MTRF1: variants seen among roughly 807,000 people sequenced by gnomAD.
MTRF1 encodes mitochondrial translation release factor 1, also known as peptide chain release factor 1, mitochondrial.
MTRF1 carries 51 observed loss-of-function variants against 62.9 expected under a neutral mutation model. The ratio of observed to expected loss-of-function variants is 0.81; its 90% CI spans 0.65 to 1.02. The LOEUF (loss-of-function observed/expected upper bound fraction) is 1.02. MTRF1 is among the 50% of genes least tolerant of loss of function. The pLI is 0.00. For synonymous variants in MTRF1, 158 were observed against 181.9 expected (o/e 0.87, Z 1.06); for missense variants, 446 against 530.0 (o/e 0.84, Z 1.56).
chr13:41,223,361 CA>C lies in MTRF1; in HGVS notation c.1126-8del, dbSNP rs1199910295. Reference sequence around the variant, plus strand: ...ACTGGGCTCTTGTTCCCACCTGTGCCATAACAAAAAGCAATTTATATTTTAC... The same window carrying C: ...ACTGGGCTCTTGTTCCCACCTGTGCCTAACAAAAAGCAATTTATATTTTAC... On this transcript the variant is annotated splice_region_variant and splice_polypyrimidine_tract_variant and intron_variant, in intron 8 of 9. Transcript: ENST00000379480. The C allele has an allele frequency of 6.2e-7, 1 of 1,610,760 alleles. No homozygotes were observed. The highest frequency in any genetic ancestry group is 1.7e-5 in the Admixed American group (1 of 59,526).
intron 9 of MTRF1, among the ~76,000 whole-genome samples, chr13:41,222,005 T>C (rs189909259): frequency 1.3e-5 from 2 of 152,320 alleles, no homozygotes; most frequent in Admixed American, 6.5e-5. Context: ...GGATGTGGCA[T>C]AAGACATACA....
chr13:41,311,554 A>G, the MTRF1 span: 2 of 1,608,522 alleles, frequency 1.2e-6, no homozygotes, highest in Non-Finnish European at 8.5e-7. Flanking sequence ...CTGCCGCCCA[A>G]GGAGAGCAAC....
the MTRF1 span, among the ~76,000 whole-genome samples, chr13:41,270,667 T>C: frequency 6.6e-6 from 1 of 152,116 alleles, no homozygotes; most frequent in Non-Finnish European, 1.5e-5. Flanking sequence ...TAGAGAAAAA[T>C]TAAAATGAAT....
chr13:41,226,331 T>C, intron 8 of MTRF1, 101 bp downstream of exon 8: 2 of 1,214,914 alleles, frequency 1.6e-6, no homozygotes, highest in East Asian at 2.3e-5. Context: ...TTCTCTATGC[T>C]CTAAAACATT....
At chr13:41,264,581 T>C (rs577521042), upstream of MTRF1, among the ~76,000 whole-genome samples, 1 of 152,376 alleles carries the variant, frequency 6.6e-6, no homozygotes, top group Non-Finnish European at 1.5e-5. Context: ...GAATTAGCTA[T>C]ATATGCAAAA....
the MTRF1 span, among the ~76,000 whole-genome samples, chr13:41,308,682 A>G: frequency 6.6e-6 from 1 of 152,214 alleles, no homozygotes; most frequent in African/African-American, 2.4e-5. Flanking sequence ...AGCTCTGCAG[A>G]GTACACATAG....
intron 3 of MTRF1, among the ~76,000 whole-genome samples, chr13:41,254,254 T>C (rs1210640252): frequency 6.6e-6 from 1 of 152,222 alleles, no homozygotes; most frequent in Non-Finnish European, 1.5e-5. Context: ...TGTGGTGAAC[T>C]AAATTTCTTT....
upstream of MTRF1, among the ~76,000 whole-genome samples, chr13:41,265,132 ATTAGTC>A (rs1421396081): frequency 6.6e-6 from 1 of 152,216 alleles, no homozygotes; most frequent in Non-Finnish European, 1.5e-5. Context: ...TCCTTAAAAA[ATTAGTC>A]TTAGTCGGGC....
At chr13:41,219,998 CAAAAAAAAAAAA>C (rs71086550) in intron 9 of MTRF1, among the ~76,000 whole-genome samples, 3 of 70,372 alleles carry the variant, frequency 4.3e-5, no homozygotes, top group Admixed American at 2.1e-4. Context: ...ACCTCTGTCT[CAAAAAAAAAAAA>C]AAAAAAAAAA....
At position 41,263,513 on chromosome 13, in the gene MTRF1, C is replaced by T. The variant is rs2040707585; in HGVS notation, c.-37G>A. The T allele has an allele frequency of 3.0e-5, 8 of 267,228 alleles. No individual in the cohort carries two copies. The highest frequency in any genetic ancestry group is 2.8e-4 in the South Asian group (8 of 28,392). 16.6% of individuals were successfully genotyped at this position (267,228 alleles called of 1,614,324 possible). A position where few individuals can be genotyped will look rare whatever the true frequency, so the allele number is the denominator to read the frequency against. On this transcript the variant is annotated 5_prime_UTR_variant, in exon 1 of 10. Coordinates refer to ENST00000379480, the MANE Select transcript of MTRF1 (RefSeq NM_004294.4). ...AGAAAAAGAAGAATACACGTTAGCT[C>T]TCTTTACTGAGGTCGGAACCTTCCG...
chr13:41,263,373 C>A (rs2095271880), intron 1 of MTRF1, 112 bp downstream of exon 1: 2 of 1,152,276 alleles, frequency 1.7e-6, no homozygotes, highest in Non-Finnish European at 2.3e-6. Context: ...AAGCGACAGC[C>A]CGCGGGGCAG....
At chr13:41,286,590 G>C in the MTRF1 span, among the ~76,000 whole-genome samples, 1 of 152,178 alleles carries the variant, frequency 6.6e-6, no homozygotes, top group African/African-American at 2.4e-5. Context: ...TATTCCTTGT[G>C]AAATGAGTGT....
the MTRF1 span, among the ~76,000 whole-genome samples, chr13:41,300,311 G>C: frequency 6.6e-6 from 1 of 152,166 alleles, no homozygotes; most frequent in South Asian, 2.1e-4. Context: ...TAGAGGCTGG[G>C]AGCCGTGGCT....
At chr13:41,275,263 C>T in the MTRF1 span, among the ~76,000 whole-genome samples, 19 of 145,270 alleles carry the variant, frequency 1.3e-4, no homozygotes, top group South Asian at 4.4e-4. Flanking sequence ...TGCTGTGGCG[C>T]GATCTCAGCT....
the MTRF1 span, among the ~76,000 whole-genome samples, chr13:41,279,764 C>G: frequency 6.6e-6 from 1 of 152,114 alleles, no homozygotes; most frequent in South Asian, 2.1e-4. Context: ...AATCCACATT[C>G]TATAGAAAAT....
chr13:41,306,998 A>T, the MTRF1 span, among the ~76,000 whole-genome samples: 9 of 152,354 alleles, frequency 5.9e-5, 1 homozygote, highest in African/African-American at 1.9e-4. Context: ...ACTAAACAGG[A>T]AGTCAGTAAT....
chr13:41,218,624 T>G (rs1311352409), intron 9 of MTRF1, among the ~76,000 whole-genome samples: 1 of 152,206 alleles, frequency 6.6e-6, no homozygotes, highest in Non-Finnish European at 1.5e-5. Context: ...AGAAATTCTG[T>G]GTAGTAAAGT....
the MTRF1 span, among the ~76,000 whole-genome samples, chr13:41,299,898 G>C: frequency 1.3e-5 from 2 of 152,178 alleles, no homozygotes. Context: ...AATAACAAAT[G>C]AAACTCCTAC....
chr13:41,244,515 C>G (rs1312265877), intron 5 of MTRF1, among the ~76,000 whole-genome samples: 3 of 152,288 alleles, frequency 2.0e-5, no homozygotes, highest in East Asian at 3.9e-4. Context: ...GGGTGGCCCC[C>G]CAGGATCCCT....
Sources: allele counts gnomAD v4.1 joint callset (sites outside exome capture counted in the v4.1 genomes callset), GRCh38; gene constraint gnomAD v4.1.1; transcripts MANE v1.5; gene names NCBI Gene and HGNC (gene_info 2026-07-23, HGNC 2026-07-21).